Variants in NHEJ1 observed in about 807,000 individuals in gnomAD.
NHEJ1 encodes non-homologous end-joining factor 1.
A neutral mutation model predicts 39.4 loss-of-function variants in NHEJ1; 22 were observed. The observed-to-expected ratio is 0.56, with a 90% CI of 0.40 to 0.80. The LOEUF (loss-of-function observed/expected upper bound fraction) is 0.80, where lower values mean the gene tolerates loss of function less well. NHEJ1 is among the 30% of genes least tolerant of loss of function. NHEJ1 has a pLI of 0.00. For synonymous variants in NHEJ1, 154 were observed against 135.6 expected (o/e 1.14, Z -0.94); for missense variants, 329 against 357.1 (o/e 0.92, Z 0.63).
intron 5 of NHEJ1, among the ~76,000 whole-genome samples, chr2:219,134,346 T>C (rs1423049081): frequency 6.6e-6 from 1 of 152,260 alleles, no homozygotes; most frequent in African/African-American, 2.4e-5. Context: ...CAAATGAAGA[T>C]ATCACCTAGC....
intron 5 of NHEJ1, among the ~76,000 whole-genome samples, chr2:219,128,319 A>G (rs1342132739): frequency 2.6e-5 from 4 of 152,214 alleles, no homozygotes; most frequent in African/African-American, 7.2e-5. Context: ...CTTGTATGGT[A>G]AGTCACATAT....
At chr2:219,106,497 G>C (rs540350841) in intron 5 of NHEJ1, among the ~76,000 whole-genome samples, 2 of 152,274 alleles carry the variant, frequency 1.3e-5, no homozygotes, top group South Asian at 4.2e-4. Flanking sequence ...AGGGACGGGA[G>C]ATCAAAGCCC....
chr2:219,145,400 T>A (rs1336492267), intron 5 of NHEJ1, among the ~76,000 whole-genome samples: 1 of 152,216 alleles, frequency 6.6e-6, no homozygotes, highest in African/African-American at 2.4e-5. Flanking sequence ...GCTCAGTCAA[T>A]GCACAGAGGC....
intron 5 of NHEJ1, among the ~76,000 whole-genome samples, chr2:219,089,211 T>C (rs1949139116): frequency 1.3e-5 from 2 of 152,186 alleles, no homozygotes; most frequent in African/African-American, 4.8e-5. Flanking sequence ...AGAGTTACTA[T>C]ATGACCCAGC....
rs1948970812 is a variant in NHEJ1 at position 219,072,475 on chromosome 2, A to G, written c.*3906T>C. On this transcript the variant is annotated 3_prime_UTR_variant, in exon 8 of 8. Coordinates refer to ENST00000356853, the MANE Select transcript of NHEJ1 (RefSeq NM_024782.3). ...CTTTCTAACAGTTTTTTCTTCAAGAAAAATTAGAAGACAGAAACTACTTCA... is the reference window on the plus strand; with the variant it reads ...CTTTCTAACAGTTTTTTCTTCAAGAGAAATTAGAAGACAGAAACTACTTCA... Among the ~76,000 whole-genome samples the G allele has an allele frequency of 6.6e-6, 1 of 152,226 alleles. No homozygotes were observed. Among genetic ancestry groups the G allele is most frequent in the Non-Finnish European group, 1.5e-5 (1 of 68,040 alleles).
intron 5 of NHEJ1, among the ~76,000 whole-genome samples, chr2:219,087,019 G>C (rs897717084): frequency 2.0e-5 from 3 of 152,014 alleles, no homozygotes; most frequent in African/African-American, 7.2e-5. Context: ...GGTTTCCTGG[G>C]GGGGACGGAT....
rs149304363 is a variant in NHEJ1 at position 219,110,836 on chromosome 2, T to A, written c.589-32630A>T. Among the ~76,000 whole-genome samples, 213 of 152,252 alleles carry A rather than the reference T, an allele frequency of 1.4e-3. 1 individual carries two copies. Among genetic ancestry groups the A allele is most frequent in the African/African-American group, 4.9e-3 (202 of 41,544 alleles). ...ACAGGAAGGAGGCGGCCACCGTGGA[T>A]GGAGTCCATATGCTACTGTTCATCA... On this transcript the variant is annotated intron_variant, in intron 5 of 7. Transcript: ENST00000356853.
intron 5 of NHEJ1, 82 bp downstream of exon 5, chr2:219,146,598 C>T: frequency 9.2e-7 from 1 of 1,091,754 alleles, no homozygotes. Flanking sequence ...AGCCACCTAA[C>T]ACCCAAAACA....
chr2:219,145,462 A>G (rs1330643741), intron 5 of NHEJ1, among the ~76,000 whole-genome samples: 1 of 152,196 alleles, frequency 6.6e-6, no homozygotes, highest in Non-Finnish European at 1.5e-5. Flanking sequence ...AGCCCTTTAA[A>G]AAGTGCTAAT....
chr2:219,076,979 C>T (rs1437534630), intron 7 of NHEJ1, among the ~76,000 whole-genome samples: 2 of 152,196 alleles, frequency 1.3e-5, no homozygotes, highest in East Asian at 3.8e-4. Context: ...TATCACTGGT[C>T]ATCACTGGCC....
intron 5 of NHEJ1, among the ~76,000 whole-genome samples, chr2:219,122,436 G>A (rs114178582): frequency 5.7e-4 from 87 of 152,214 alleles, no homozygotes; most frequent in Middle Eastern, 6.8e-3. Context: ...AGTTATCTCT[G>A]TACCCTTGGC....
intron 5 of NHEJ1, among the ~76,000 whole-genome samples, chr2:219,122,884 G>A (rs1038126819): frequency 6.6e-6 from 1 of 152,200 alleles, no homozygotes; most frequent in Admixed American, 6.5e-5. Context: ...AGTAGAAAGC[G>A]CATATGCCCA....
At chr2:219,106,334 C>T (rs1454320797) in intron 5 of NHEJ1, among the ~76,000 whole-genome samples, 2 of 152,040 alleles carry the variant, frequency 1.3e-5, no homozygotes, top group Admixed American at 6.6e-5. Context: ...AAAAAAGGAG[C>T]GATTAGGGGC....
At chr2:219,138,031 T>C (rs1949652694) in intron 5 of NHEJ1, among the ~76,000 whole-genome samples, 1 of 152,154 alleles carries the variant, frequency 6.6e-6, no homozygotes, top group South Asian at 2.1e-4. Context: ...GGAGGGAGCA[T>C]ATTCTCATGC....
At chr2:219,079,413 C>T (rs79986235) in intron 5 of NHEJ1, among the ~76,000 whole-genome samples, 15,885 of 152,174 alleles carry the variant, frequency 0.1, 835 homozygotes, top group East Asian at 0.14. Context: ...TCTGAAAGCC[C>T]TCTCATGGGA....
At chr2:219,151,721 C>T (rs1949797356) in intron 3 of NHEJ1, among the ~76,000 whole-genome samples, 2 of 152,066 alleles carry the variant, frequency 1.3e-5, no homozygotes, top group South Asian at 4.2e-4. Context: ...AGTCCCAGCA[C>T]TTTGGGAAGC....
chr2:219,136,882 C>T (rs1256042497), intron 5 of NHEJ1, among the ~76,000 whole-genome samples: 1 of 152,146 alleles, frequency 6.6e-6, no homozygotes, highest in East Asian at 1.9e-4. Flanking sequence ...GGATTACAGA[C>T]CTGAGCCACC....
intron 3 of NHEJ1, among the ~76,000 whole-genome samples, chr2:219,149,242 C>T (rs1332464656): frequency 1.3e-5 from 2 of 152,116 alleles, no homozygotes; most frequent in African/African-American, 4.8e-5. Context: ...TACTGCCGTA[C>T]AAATAGGGTG....
At chr2:219,078,871 G>GCA (rs147399469) in intron 5 of NHEJ1, among the ~76,000 whole-genome samples, 181 of 151,376 alleles carry the variant, frequency 1.2e-3, no homozygotes, top group Admixed American at 3.6e-3. Context: ...TATAAAGCGT[G>GCA]CACACACACA....
Sources: allele counts gnomAD v4.1 joint callset (sites outside exome capture counted in the v4.1 genomes callset), GRCh38; gene constraint gnomAD v4.1.1; transcripts MANE v1.5; gene names NCBI Gene and HGNC (gene_info 2026-07-23, HGNC 2026-07-21).